CNTN5: variants seen among roughly 807,000 people sequenced by gnomAD.
CNTN5 encodes contactin-5.
CNTN5 carries 77 observed loss-of-function variants against 129.1 expected under a neutral mutation model. The observed-to-expected ratio is 0.60, with a 90% confidence interval of 0.50 to 0.72. The LOEUF (loss-of-function observed/expected upper bound fraction) is 0.72. Ranked by LOEUF, CNTN5 falls within the 30% of genes least tolerant of loss-of-function variation. CNTN5 has a pLI of 0.00. For synonymous variants in CNTN5, 509 were observed against 465.6 expected (o/e 1.09, Z -1.20); for missense variants, 1,478 against 1,328.8 (o/e 1.11, Z -1.75).
At chr11:99,443,168 C>T (rs2656165) in intron 2 of CNTN5, among the ~76,000 whole-genome samples, 71,459 of 152,022 alleles carry the variant, frequency 0.47, 17,303 homozygotes, top group Non-Finnish European at 0.52. Context: ...AAGTCACTAG[C>T]GACTTGTTGA....
At chr11:99,752,472 C>G (rs2135226378) in intron 3 of CNTN5, among the ~76,000 whole-genome samples, 1 of 151,968 alleles carries the variant, frequency 6.6e-6, no homozygotes, top group Admixed American at 6.5e-5. Context: ...AAAATGCCAT[C>G]AAACATTCTT....
intron 1 of CNTN5, among the ~76,000 whole-genome samples, chr11:99,244,860 G>C (rs943563221): frequency 6.6e-6 from 1 of 152,134 alleles, no homozygotes; most frequent in Non-Finnish European, 1.5e-5. Flanking sequence ...ATTCCTTCCT[G>C]TGGACTGGGT....
At chr11:99,580,762 T>A (rs1230935183) in intron 3 of CNTN5, among the ~76,000 whole-genome samples, 1 of 141,832 alleles carries the variant, frequency 7.1e-6, no homozygotes, top group Admixed American at 7.2e-5. Context: ...TCAATTTTGT[T>A]GATCTTTTCA....
chr11:100,248,149 G>A (rs924891533), intron 16 of CNTN5, among the ~76,000 whole-genome samples: 3 of 152,054 alleles, frequency 2.0e-5, no homozygotes, highest in Non-Finnish European at 2.9e-5. Flanking sequence ...GAGCATATTT[G>A]GGATCAAAAT....
intron 3 of CNTN5, among the ~76,000 whole-genome samples, chr11:99,568,193 T>C (rs1305536030): frequency 6.6e-6 from 1 of 152,210 alleles, no homozygotes; most frequent in Admixed American, 6.5e-5. Flanking sequence ...GAAGATGACA[T>C]GGACATCATC....
intron 3 of CNTN5, among the ~76,000 whole-genome samples, chr11:99,812,806 G>A (rs763731059): frequency 3.9e-5 from 6 of 152,124 alleles, no homozygotes; most frequent in Non-Finnish European, 8.8e-5. Flanking sequence ...CAAGCGTGGA[G>A]CTTTTATTCC....
intron 1 of CNTN5, among the ~76,000 whole-genome samples, chr11:99,228,786 A>G (rs577809197): frequency 1.3e-5 from 2 of 152,102 alleles, no homozygotes; most frequent in East Asian, 3.9e-4. Context: ...ATGAGAGCTA[A>G]TCATATATCA....
intron 8 of CNTN5, among the ~76,000 whole-genome samples, chr11:99,973,052 A>G (rs990563557): frequency 1.3e-5 from 2 of 152,028 alleles, no homozygotes; most frequent in African/African-American, 4.8e-5. Context: ...GGTTGCCTAA[A>G]AAAAGGTGAA....
intron 3 of CNTN5, among the ~76,000 whole-genome samples, chr11:99,718,338 T>C (rs970239633): frequency 6.6e-6 from 1 of 152,174 alleles, no homozygotes; most frequent in South Asian, 2.1e-4. Flanking sequence ...TTGTTCATAA[T>C]ATATATTGTT....
intron 18 of CNTN5, among the ~76,000 whole-genome samples, chr11:100,276,470 C>T (rs1950513389): frequency 7.5e-6 from 1 of 133,908 alleles, no homozygotes; most frequent in African/African-American, 2.8e-5. Context: ...GCAGAGGTTG[C>T]ACTGAGCAGA....
intron 1 of CNTN5, among the ~76,000 whole-genome samples, chr11:99,213,699 C>T (rs1385336714): frequency 2.6e-5 from 4 of 151,874 alleles, no homozygotes; most frequent in African/African-American, 9.7e-5. Flanking sequence ...AGGTGACTTC[C>T]CTTGCCTTGG....
chr11:99,313,809 G>T (rs1865218614), intron 1 of CNTN5, among the ~76,000 whole-genome samples: 1 of 152,036 alleles, frequency 6.6e-6, no homozygotes, highest in Admixed American at 6.6e-5. Context: ...ATTTGCAGCT[G>T]CAATAGTATA....
At chr11:100,177,670 T>C (rs1290915498) in intron 13 of CNTN5, among the ~76,000 whole-genome samples, 1 of 152,184 alleles carries the variant, frequency 6.6e-6, no homozygotes, top group Non-Finnish European at 1.5e-5. Context: ...TAAAATTGTA[T>C]GTATAATTGT....
At chr11:99,944,109 A>G (rs1380780226) in intron 7 of CNTN5, among the ~76,000 whole-genome samples, 1 of 151,884 alleles carries the variant, frequency 6.6e-6, no homozygotes, top group African/African-American at 2.4e-5. Context: ...AAAAGTATTC[A>G]GTCTATGAAT....
chr11:100,011,715 G>A (rs1292381214), intron 9 of CNTN5, among the ~76,000 whole-genome samples: 1 of 151,938 alleles, frequency 6.6e-6, no homozygotes, highest in Non-Finnish European at 1.5e-5. Context: ...AGGGAACCAG[G>A]GTATTAAGTA....
intron 22 of CNTN5, 123 bp from the exon 23 acceptor site, chr11:100,340,970 A>C: frequency 1.4e-6 from 1 of 726,316 alleles, no homozygotes; most frequent in Non-Finnish European, 2.3e-6. Flanking sequence ...CTCCAGCTGG[A>C]AGGAAGCCTA....
chr11:99,213,181 A>C (rs1358600582), intron 1 of CNTN5, among the ~76,000 whole-genome samples: 1 of 146,882 alleles, frequency 6.8e-6, no homozygotes, highest in Non-Finnish European at 1.5e-5. Flanking sequence ...ACAGAGTGAG[A>C]CTCCATCTCA....
intron 1 of CNTN5, among the ~76,000 whole-genome samples, chr11:99,227,057 G>A (rs1353863458): frequency 6.6e-6 from 1 of 152,036 alleles, no homozygotes; most frequent in Non-Finnish European, 1.5e-5. Flanking sequence ...CTGCAAAACA[G>A]CTCTTAAAAT....
At chr11:99,252,285 T>C (rs1317181791) in intron 1 of CNTN5, among the ~76,000 whole-genome samples, 1 of 151,984 alleles carries the variant, frequency 6.6e-6, no homozygotes, top group Non-Finnish European at 1.5e-5. Flanking sequence ...CAGGTATCCT[T>C]GAGTTCTGCT....
Sources: allele counts gnomAD v4.1 joint callset (sites outside exome capture counted in the v4.1 genomes callset), GRCh38; gene constraint gnomAD v4.1.1; transcripts MANE v1.5; gene names NCBI Gene and HGNC (gene_info 2026-07-23, HGNC 2026-07-21).